The following RAB37 variants were observed in gnomAD, a reference collection of about 807,000 sequenced individuals.
The protein encoded by RAB37 is RAB37, member RAS oncogene family.
A neutral mutation model predicts 33.1 loss-of-function variants in RAB37; 29 were observed. The observed-to-expected ratio is 0.88, with a 90% CI of 0.65 to 1.20. RAB37 has a LOEUF of 1.20. Ranked by LOEUF, RAB37 falls within the 50% of genes most tolerant of loss-of-function variation. The pLI is 0.00. For synonymous variants in RAB37, 128 were observed against 119.5 expected (o/e 1.07, Z -0.47); for missense variants, 299 against 301.1 (o/e 0.99, Z 0.05).
Position 74,730,497 on chromosome 17 carries a change from G to A in RAB37, c.183+1131G>A, listed in dbSNP as rs556222233. Among the ~76,000 whole-genome samples the A allele has an allele frequency of 1.3e-5, 2 of 152,244 alleles. No homozygotes were observed. Among genetic ancestry groups the A allele is most frequent in the African/African-American group, 2.4e-5 (1 of 41,540 alleles). ...CGGGTGTGTTCTGGGGCCTAGAATCGGCCCTGAAACACCAGTTCCCAGGGC... is the reference window on the plus strand; with the variant it reads ...CGGGTGTGTTCTGGGGCCTAGAATCAGCCCTGAAACACCAGTTCCCAGGGC... On this transcript the variant is annotated intron_variant, in intron 2 of 7. Coordinates refer to the RAB37 transcript ENST00000340415. This position sits in a 1 kb window ranked among gnomAD's most constrained non-coding sequence, Gnocchi z 4.4.
intron 1 of RAB37, among the ~76,000 whole-genome samples, chr17:74,719,570 C>T (rs1377727417): frequency 6.6e-6 from 1 of 152,064 alleles, no homozygotes; most frequent in Non-Finnish European, 1.5e-5. Flanking sequence ...TACAGTGGTG[C>T]AATTATAGCT....
chr17:74,720,866 C>T lies in RAB37; in HGVS notation c.73-8390C>T, dbSNP rs189517040. ...TGATGAATGCGGAGATTTTATTAAG[C>T]GGTGGAAGTGGCTCTCAGTGGAAGG... On this transcript the variant is annotated intron_variant, in intron 1 of 7. Coordinates refer to the RAB37 transcript ENST00000340415. 8.5e-5 allele frequency among the ~76,000 whole-genome samples: 13 copies of T among 152,086 alleles called. No homozygotes were observed. In the South Asian group the frequency reaches 1.7e-3, roughly 19 times the overall value.
Position 74,707,029 on chromosome 17 carries a change from C to T in RAB37, c.73-22227C>T, listed in dbSNP as rs117735182. Among the ~76,000 whole-genome samples the T allele has an allele frequency of 1.5e-3, 231 of 152,300 alleles. 1 individual carries two copies. The East Asian group carries it at 0.018, about 12-fold the overall frequency. On this transcript the variant is annotated intron_variant, in intron 1 of 7. Coordinates refer to the RAB37 transcript ENST00000340415. ...TAAATGTAAGACCTGAAACTTAAAT[C>T]TCTCAGAAGAAAACCTAATGGAAAA... is the stretch of plus-strand genomic sequence containing the variant.
intron 1 of RAB37, among the ~76,000 whole-genome samples, chr17:74,701,959 T>C (rs575846861): frequency 2.0e-4 from 30 of 150,784 alleles, no homozygotes; most frequent in Non-Finnish European, 2.9e-4. Flanking sequence ...GAGGCAGAGG[T>C]TGCAGTGAGC....
At chr17:74,686,200 T>G (rs1301475713) in intron 1 of RAB37, among the ~76,000 whole-genome samples, 3 of 152,062 alleles carry the variant, frequency 2.0e-5, no homozygotes, top group Non-Finnish European at 2.9e-5. Context: ...CAAGCAATTC[T>G]CCTACCTCAG....
At chr17:74,698,958 A>C (rs1414557662) in intron 1 of RAB37, among the ~76,000 whole-genome samples, 1 of 152,118 alleles carries the variant, frequency 6.6e-6, no homozygotes, top group Non-Finnish European at 1.5e-5. Flanking sequence ...TTGCTCTGTC[A>C]CCCAGGCTGG....
In RAB37 at chr17:74,737,408, T is replaced by C. The variant is rs769829509; in HGVS notation, c.93+43T>C. ...GTGAGACCCCCGCCCTCCTCGGCGCTAGCCCCTTCCTGGCTGCGTCTGGGT... is the reference window on the plus strand; with the variant it reads ...GTGAGACCCCCGCCCTCCTCGGCGCCAGCCCCTTCCTGGCTGCGTCTGGGT... On this transcript the variant is annotated intron_variant, in intron 1 of 8. Transcript: ENST00000392613. The C allele has an allele frequency of 2.4e-5, 37 of 1,516,072 alleles. No homozygotes were observed. In the Admixed American group the frequency reaches 2.9e-4, roughly 12 times the overall value. 93.9% of individuals were successfully genotyped at this position (1,516,072 alleles called of 1,614,324 possible). A position where few individuals can be genotyped will look rare whatever the true frequency, so the allele number is the denominator to read the frequency against.
intron 1 of RAB37, among the ~76,000 whole-genome samples, chr17:74,714,810 C>G (rs1401715817): frequency 6.6e-6 from 1 of 152,086 alleles, no homozygotes; most frequent in Non-Finnish European, 1.5e-5. Flanking sequence ...TCCCTAGGGT[C>G]GGGACTGGGG....
intron 1 of RAB37, among the ~76,000 whole-genome samples, chr17:74,713,842 C>A (rs2143984457): frequency 7.8e-6 from 1 of 127,970 alleles, no homozygotes; most frequent in East Asian, 2.5e-4. Flanking sequence ...GCAGGAAGAT[C>A]ACTTGAGGCC....
chr17:74,693,176 T>C (rs1274710704), intron 1 of RAB37, among the ~76,000 whole-genome samples: 1 of 152,216 alleles, frequency 6.6e-6, no homozygotes, highest in Non-Finnish European at 1.5e-5. Context: ...TGAAATGTGA[T>C]GATAAAAAGG....
chr17:74,685,870 C>A (rs2032044239), intron 1 of RAB37, among the ~76,000 whole-genome samples: 1 of 152,202 alleles, frequency 6.6e-6, no homozygotes, highest in Admixed American at 6.5e-5. Context: ...GCGTGCAGAG[C>A]TGCTCAGATG....
upstream of RAB37, chr17:74,736,598 A>G (rs1310511679): frequency 1.3e-6 from 2 of 1,529,714 alleles, no homozygotes; most frequent in East Asian, 4.9e-5. Flanking sequence ...CCCTCTTGCG[A>G]AAGCTCTCCC....
chr17:74,741,371 A>G (rs1407364870), intron 2 of RAB37, among the ~76,000 whole-genome samples: 2 of 152,044 alleles, frequency 1.3e-5, no homozygotes, highest in East Asian at 3.9e-4. Context: ...TCAGATCACA[A>G]GGTCAGGAGT....
intron 1 of RAB37, 31 bp from the exon 2 acceptor site, chr17:74,740,737 C>T (rs768084422): frequency 3.4e-6 from 5 of 1,464,684 alleles, no homozygotes; most frequent in East Asian, 2.3e-5. Flanking sequence ...CCCCTGACTC[C>T]CCATTAACTG....
intron 1 of RAB37, chr17:74,677,508 T>C (rs1278349039): frequency 6.6e-6 from 1 of 152,200 alleles, no homozygotes; most frequent in Non-Finnish European, 1.5e-5. Context: ...GAGTTTTGTT[T>C]TCAAAGCGCA....
intron 1 of RAB37, among the ~76,000 whole-genome samples, chr17:74,681,696 G>A (rs140728463): frequency 7.2e-5 from 11 of 152,306 alleles, no homozygotes; most frequent in African/African-American, 2.6e-4. Context: ...CCTCCAGACA[G>A]CAGGCACATG....
At chr17:74,736,376 C>T (rs2034475071), upstream of RAB37, among the ~76,000 whole-genome samples, 1 of 152,242 alleles carries the variant, frequency 6.6e-6, no homozygotes, top group Non-Finnish European at 1.5e-5. Context: ...CACAGAGCCC[C>T]TGAGCTCTGC....
chr17:74,722,068 G>A (rs141252840), intron 1 of RAB37, among the ~76,000 whole-genome samples: 2 of 152,040 alleles, frequency 1.3e-5, no homozygotes, highest in African/African-American at 2.4e-5. Flanking sequence ...GGCTGAGGAC[G>A]GTGGATCACG....
chr17:74,716,080 C>G (rs2034161672), intron 1 of RAB37, among the ~76,000 whole-genome samples: 1 of 152,170 alleles, frequency 6.6e-6, no homozygotes, highest in Admixed American at 6.5e-5. Context: ...GTAGCTGCTC[C>G]TCTAACCAAG....
Sources: gnomAD v4.1 joint callset for allele counts (sites outside exome capture counted in the v4.1 genomes callset) on GRCh38, gnomAD v4.1.1 for gene constraint, Gnocchi (gnomAD v3.1) non-coding constraint, MANE v1.5 for transcripts, NCBI Gene and HGNC (gene_info 2026-07-23, HGNC 2026-07-21) for gene names.